Variants in PARD3B observed in about 807,000 individuals in gnomAD.
PARD3B encodes partitioning defective 3 homolog B.
In PARD3B, 103 loss-of-function variants were observed where a neutral mutation model predicts 130.2. That is an observed-to-expected ratio of 0.79 (90% CI 0.67 to 0.93). The LOEUF is 0.93. PARD3B is among the 40% of genes least tolerant of loss of function. PARD3B has a pLI of 0.00. For synonymous variants in PARD3B, 583 were observed against 553.2 expected (o/e 1.05, Z -0.76); for missense variants, 1,609 against 1,499.2 (o/e 1.07, Z -1.21).
intron 18 of PARD3B, among the ~76,000 whole-genome samples, chr2:205,340,424 A>G (rs1276720185): frequency 2.6e-5 from 4 of 152,152 alleles, no homozygotes; most frequent in Non-Finnish European, 5.9e-5. Flanking sequence ...ATGGAACACA[A>G]TAGAGAACCC....
At chr2:204,922,425 G>A (rs1397485) in intron 2 of PARD3B, among the ~76,000 whole-genome samples, 1 of 152,078 alleles carries the variant, frequency 6.6e-6, no homozygotes, top group Non-Finnish European at 1.5e-5. Context: ...GGAAGACTTA[G>A]GTAGTACTAT....
At chr2:204,589,422 A>T (rs1016908457) in intron 1 of PARD3B, among the ~76,000 whole-genome samples, 1 of 152,204 alleles carries the variant, frequency 6.6e-6, no homozygotes, top group African/African-American at 2.4e-5. Context: ...TTTGAACTTG[A>T]CATTGAAGTT....
chr2:204,899,403 G>C (rs62179371), intron 2 of PARD3B, among the ~76,000 whole-genome samples: 6,271 of 151,770 alleles, frequency 0.041, 180 homozygotes, highest in Non-Finnish European at 0.067. Context: ...CTGATTTGAG[G>C]TTGCCATGAG....
intron 2 of PARD3B, among the ~76,000 whole-genome samples, chr2:204,739,620 A>T (rs2039909117): frequency 6.6e-6 from 1 of 151,860 alleles, no homozygotes; most frequent in Non-Finnish European, 1.5e-5. Flanking sequence ...ACACCTGGCT[A>T]ATGTTTTTGT....
intron 2 of PARD3B, among the ~76,000 whole-genome samples, chr2:204,735,909 A>G (rs909301264): frequency 1.3e-5 from 2 of 152,212 alleles, no homozygotes; most frequent in African/African-American, 4.8e-5. Flanking sequence ...TGAAGGGTGT[A>G]TGAGCATTTA....
intron 15 of PARD3B, among the ~76,000 whole-genome samples, chr2:205,195,110 A>AT (rs1305068765): frequency 1.3e-5 from 2 of 152,102 alleles, no homozygotes; most frequent in East Asian, 3.9e-4. Flanking sequence ...TTTTGTTTAC[A>AT]TTTTTATTAC....
chr2:205,350,410 G>A lies in PARD3B; in HGVS notation c.2630+48709G>A, dbSNP rs1442001983. ...AGGCAACTTTCTCCTCTGCTTTGCC[G>A]CATCTCATAAAGTTAGATTTTGTAC... On this transcript the variant is annotated intron_variant, in intron 18 of 22. Coordinates refer to ENST00000406610, the MANE Select transcript of PARD3B (RefSeq NM_001302769.2). 2.0e-4 allele frequency among the ~76,000 whole-genome samples: 30 copies of A among 152,048 alleles called. 2 individuals are homozygous for A. The highest frequency in any genetic ancestry group is 2.0e-3 in the Admixed American group (30 of 15,264).
chr2:204,974,988 G>A (rs1319884803), intron 3 of PARD3B, among the ~76,000 whole-genome samples: 1 of 152,060 alleles, frequency 6.6e-6, no homozygotes, highest in African/African-American at 2.4e-5. Flanking sequence ...ATAAATTACT[G>A]GATGAGTCTC....
intron 2 of PARD3B, among the ~76,000 whole-genome samples, chr2:204,871,526 G>A (rs1378300482): frequency 2.0e-5 from 3 of 152,010 alleles, no homozygotes; most frequent in African/African-American, 4.8e-5. Context: ...CCCTTCTCAC[G>A]TTATGTTTTG....
chr2:204,987,076 C>A (rs11904819), intron 3 of PARD3B, among the ~76,000 whole-genome samples: 278 of 152,216 alleles, frequency 1.8e-3, no homozygotes, highest in African/African-American at 6.1e-3. Flanking sequence ...AAATGGCACT[C>A]TCATGTACTA....
chr2:205,615,617 A>G lies in PARD3B; in HGVS notation c.3422A>G (p.Gln1141Arg). The G allele has an allele frequency of 6.2e-7, 1 of 1,613,920 alleles. No homozygotes were observed. Among genetic ancestry groups the G allele is most frequent in the Non-Finnish European group, 8.5e-7 (1 of 1,179,926 alleles). Residue 1141 changes from glutamine to arginine, a missense_variant, in exon 23 of 23, where the codon CAG becomes CGG. By Grantham distance (43) the Gln-to-Arg change is conservative. Coordinates refer to ENST00000406610, the MANE Select transcript of PARD3B (RefSeq NM_001302769.2). The stretch of plus-strand genomic sequence containing the variant: ...AGGGTGGCAGATCTCCGGTATCCTC[A>G]GCACTACCCACCCCCGCCAGCTCCC... ...ELRVADLRYP[Q>R]HYPPPPAPQH...
At chr2:204,878,677 G>C (rs905880506) in intron 2 of PARD3B, among the ~76,000 whole-genome samples, 1 of 152,110 alleles carries the variant, frequency 6.6e-6, no homozygotes, top group Non-Finnish European at 1.5e-5. Flanking sequence ...ACGTATAGAT[G>C]TAAGTGTGTT....
At chr2:205,103,384 T>TTTTTATTTATGTAAAATAAA in intron 4 of PARD3B, among the ~76,000 whole-genome samples, 1 of 42,908 alleles carries the variant, frequency 2.3e-5, no homozygotes, top group Non-Finnish European at 6.1e-5. Context: ...AAATAAATAT[T>TTTTTATTTATGTAAAATAAA]TATATAAATT....
Position 205,591,544 on chromosome 2 carries a change from A to C in PARD3B, c.3261-23912A>C, listed in dbSNP as rs1005638224. The stretch of plus-strand genomic sequence containing the variant: ...TCAGTGGAAGCAAATAACCATTACT[A>C]TCCCAATTTGACAGAGGAAGAAACA... On this transcript the variant is annotated intron_variant, in intron 22 of 22. Coordinates refer to ENST00000406610, the MANE Select transcript of PARD3B (RefSeq NM_001302769.2). This position sits in a 1 kb window ranked among gnomAD's most constrained non-coding sequence, Gnocchi z 4.2. 6.6e-6 allele frequency among the ~76,000 whole-genome samples: 1 copy of C among 152,228 alleles called. No homozygotes were observed. The highest frequency in any genetic ancestry group is 1.5e-5 in the Non-Finnish European group (1 of 68,044).
intron 2 of PARD3B, among the ~76,000 whole-genome samples, chr2:204,761,034 C>T (rs540470323): frequency 6.6e-6 from 1 of 152,200 alleles, no homozygotes; most frequent in Middle Eastern, 3.4e-3. Context: ...TACAATAGAA[C>T]CTTTAAAGGG....
In PARD3B at chr2:205,160,937, TTC is replaced by T; in HGVS notation, c.1620+2031_1620+2032del. On this transcript the variant is annotated intron_variant, in intron 11 of 22. Transcript: ENST00000406610. This position sits in a 1 kb window ranked among gnomAD's most constrained non-coding sequence, Gnocchi z 4.0. ...AGCTCTTCCATATGATCCATTCATG[TTC>T]CTAGAGAGCAGGGCCTGTTCGCCTG... Among the ~76,000 whole-genome samples, 2 of 152,318 alleles carry T rather than the reference TTC, an allele frequency of 1.3e-5. No homozygotes were observed. The highest frequency in any genetic ancestry group is 1.3e-4 in the Admixed American group (2 of 15,300).
chr2:204,580,932 A>G (rs541888044), intron 1 of PARD3B, among the ~76,000 whole-genome samples: 25 of 152,352 alleles, frequency 1.6e-4, no homozygotes, highest in Non-Finnish European at 2.8e-4. Context: ...CATCTGGAAC[A>G]CAGGTGACAT....
chr2:205,601,963 G>C (rs375460263), intron 22 of PARD3B, among the ~76,000 whole-genome samples: 10 of 152,148 alleles, frequency 6.6e-5, no homozygotes, highest in East Asian at 3.9e-4. Context: ...CAGTTTTCAA[G>C]GGGAATGCTT....
intron 20 of PARD3B, among the ~76,000 whole-genome samples, chr2:205,482,071 A>T (rs2049258297): frequency 6.6e-6 from 1 of 152,132 alleles, no homozygotes; most frequent in Non-Finnish European, 1.5e-5. Context: ...CATGCGAGCC[A>T]CTCCGGGGAT....
Sources: gnomAD v4.1 joint callset for allele counts (sites outside exome capture counted in the v4.1 genomes callset) on GRCh38, gnomAD v4.1.1 for gene constraint, Gnocchi (gnomAD v3.1) non-coding constraint, MANE v1.5 for transcripts, NCBI Gene and HGNC (gene_info 2026-07-23, HGNC 2026-07-21) for gene names.